Variants in ZFAT observed in about 807,000 individuals in gnomAD.
The protein encoded by ZFAT is zinc finger and AT-hook domain containing, also known as zinc finger protein ZFAT.
In ZFAT, 64 loss-of-function variants were observed where a neutral mutation model predicts 117.7. That is an observed-to-expected ratio of 0.54 (90% CI 0.44 to 0.67). ZFAT has a LOEUF of 0.67. Ranked by LOEUF, ZFAT falls within the 30% of genes least tolerant of loss-of-function variation. The pLI, the probability that ZFAT is intolerant of heterozygous loss-of-function variation, is 0.00. For synonymous variants in ZFAT, 679 were observed against 615.0 expected (o/e 1.10, Z -1.54); for missense variants, 1,433 against 1,584.5 (o/e 0.90, Z 1.62).
Position 134,512,979 on chromosome 8 carries a change from CCCTG to C in ZFAT, c.3235-382_3235-379del, listed in dbSNP as rs1453016307. On this transcript the variant is annotated intron_variant, in intron 13 of 15. Transcript: ENST00000377838. ...AACATCACTTCTAATCTGTGCCTTACCCTGGGGACTGGGTGCCATGTGGCCAACA... is the reference window on the plus strand; with the variant it reads ...AACATCACTTCTAATCTGTGCCTTACGGGACTGGGTGCCATGTGGCCAACA... 1.3e-5 allele frequency among the ~76,000 whole-genome samples: 2 copies of C among 152,174 alleles called. 1 individual carries two copies. The highest frequency in any genetic ancestry group is 2.9e-5 in the Non-Finnish European group (2 of 68,038).
At chr8:134,831,730 T>A in the ZFAT span, among the ~76,000 whole-genome samples, 2 of 145,314 alleles carry the variant, frequency 1.4e-5, no homozygotes, top group Non-Finnish European at 3.0e-5. Context: ...CCCCATACCC[T>A]GTCGCCGCGG....
At chr8:134,777,014 A>T in the ZFAT span, among the ~76,000 whole-genome samples, 7 of 152,234 alleles carry the variant, frequency 4.6e-5, no homozygotes, top group Non-Finnish European at 1.0e-4. Context: ...TCATTTAAGG[A>T]TGCGGTAGAA....
the ZFAT span, among the ~76,000 whole-genome samples, chr8:134,761,529 G>A: frequency 2.2e-4 from 33 of 150,898 alleles, no homozygotes; most frequent in African/African-American, 7.3e-4. Context: ...GTGAAACCCC[G>A]TCTCTACTAA....
At chr8:134,529,611 C>T (rs1010999853) in intron 12 of ZFAT, among the ~76,000 whole-genome samples, 1 of 152,148 alleles carries the variant, frequency 6.6e-6, no homozygotes, top group Non-Finnish European at 1.5e-5. Context: ...ATCAGTACAT[C>T]CAGACAGGCC....
At chr8:134,531,339 C>G (rs1821385266) in intron 12 of ZFAT, among the ~76,000 whole-genome samples, 1 of 152,170 alleles carries the variant, frequency 6.6e-6, no homozygotes, top group African/African-American at 2.4e-5. Flanking sequence ...ACCTGCAACT[C>G]TAGTTATTTA....
At chr8:134,537,626 T>G (rs1326823585) in intron 11 of ZFAT, among the ~76,000 whole-genome samples, 1 of 152,076 alleles carries the variant, frequency 6.6e-6, no homozygotes, top group African/African-American at 2.4e-5. Context: ...GGTGGGACAA[T>G]GGCCAACTTC....
the ZFAT span, among the ~76,000 whole-genome samples, chr8:134,817,016 T>G: frequency 6.6e-6 from 1 of 151,398 alleles, no homozygotes; most frequent in African/African-American, 2.4e-5. Context: ...TTTACAAAAG[T>G]ATTTTAAAAT....
At chr8:134,596,107 T>C (rs1471250020) in intron 7 of ZFAT, among the ~76,000 whole-genome samples, 3 of 152,220 alleles carry the variant, frequency 2.0e-5, no homozygotes, top group Non-Finnish European at 2.9e-5. Context: ...ATGCCTTTCC[T>C]GATCAGAACA....
intron 1 of ZFAT, among the ~76,000 whole-genome samples, chr8:134,691,132 T>TCAGCTGC (rs1833564702): frequency 6.6e-6 from 1 of 152,254 alleles, no homozygotes; most frequent in South Asian, 2.1e-4. Flanking sequence ...ATCACTGTGG[T>TCAGCTGC]CAGCTGCCAC....
chr8:134,627,580 G>A (rs1328261247), intron 3 of ZFAT, among the ~76,000 whole-genome samples: 1 of 152,202 alleles, frequency 6.6e-6, no homozygotes, highest in Non-Finnish European at 1.5e-5. Flanking sequence ...GCCACAACAT[G>A]TACCTACCCA....
chr8:134,603,956 G>T (rs11785144), intron 5 of ZFAT, among the ~76,000 whole-genome samples: 63,219 of 152,036 alleles, frequency 0.42, 13,556 homozygotes, highest in Admixed American at 0.55. Context: ...AAATAGGGTT[G>T]CTGTTTATTA....
intron 15 of ZFAT, among the ~76,000 whole-genome samples, chr8:134,507,212 G>T (rs1216063532): frequency 6.6e-6 from 1 of 152,122 alleles, no homozygotes; most frequent in East Asian, 1.9e-4. Context: ...AAAAGAAAAA[G>T]GTTGAAACCA....
At position 134,520,933 on chromosome 8, in the gene ZFAT, T is replaced by A. The variant is rs1434207276; in HGVS notation, c.3184A>T (p.Asn1062Tyr). 1 of 1,613,934 alleles carries A rather than the reference T, an allele frequency of 6.2e-7. No homozygotes were observed. The highest frequency in any genetic ancestry group is 1.7e-5 in the Admixed American group (1 of 60,032). The change falls in exon 13 of 16, where the codon AAC becomes TAC. Residue 1062 changes from asparagine (N) to tyrosine (Y), a missense_variant. Asn to Tyr is a moderately radical substitution (Grantham distance 143). Transcript: ENST00000377838. The part of the protein sequence containing the change: ...TKWEFNRHLK[N>Y]KHGLKVVEID... ...TCCACCACCTTCAAGCCATGTTTGT[T>A]CTTCAAGTGCCTATTGAACTCCCAT...
At chr8:134,796,701 C>A in the ZFAT span, 1 of 152,106 alleles carries the variant, frequency 6.6e-6, no homozygotes, top group African/African-American at 2.4e-5. Flanking sequence ...ACTTTGGCCA[C>A]AAAGATGAAT....
chr8:134,675,407 A>G (rs1030326905), intron 1 of ZFAT, among the ~76,000 whole-genome samples: 3 of 152,226 alleles, frequency 2.0e-5, no homozygotes, highest in Admixed American at 6.5e-5. Context: ...ATTAGAGAAA[A>G]AAGGGTGAAA....
intron 9 of ZFAT, among the ~76,000 whole-genome samples, chr8:134,586,085 C>T (rs938000759): frequency 2.6e-5 from 4 of 152,080 alleles, no homozygotes; most frequent in Non-Finnish European, 4.4e-5. Flanking sequence ...TTCCAAAGAA[C>T]CCCAATGTAT....
intron 15 of ZFAT, among the ~76,000 whole-genome samples, chr8:134,481,931 C>T (rs979965449): frequency 1.1e-4 from 16 of 152,220 alleles, no homozygotes; most frequent in Non-Finnish European, 1.3e-4. Flanking sequence ...TACAGCCCGA[C>T]CAAGGCCACC....
chr8:134,535,840 T>G (rs1168513430), intron 11 of ZFAT, among the ~76,000 whole-genome samples: 1 of 152,076 alleles, frequency 6.6e-6, no homozygotes, highest in African/African-American at 2.4e-5. Context: ...CATCTCTAAA[T>G]AAGCAAATAA....
intron 1 of ZFAT, among the ~76,000 whole-genome samples, chr8:134,678,205 T>A (rs923823630): frequency 6.6e-6 from 1 of 152,220 alleles, no homozygotes; most frequent in African/African-American, 2.4e-5. Context: ...CCCCATTGTC[T>A]CAGCCCAAAA....
Sources: allele counts gnomAD v4.1 joint callset (sites outside exome capture counted in the v4.1 genomes callset), GRCh38; gene constraint gnomAD v4.1.1; transcripts MANE v1.5; gene names NCBI Gene and HGNC (gene_info 2026-07-23, HGNC 2026-07-21).